HHIPL1: variants seen among roughly 807,000 people sequenced by gnomAD.
HHIPL1 encodes the protein HHIP like 1.
In HHIPL1, 43 loss-of-function variants were observed where a neutral mutation model predicts 61.8. The observed-to-expected ratio is 0.70, with a 90% CI of 0.55 to 0.90. HHIPL1 has a LOEUF of 0.90. Among genes scored for constraint, HHIPL1 ranks in the 40% least tolerant of loss-of-function variants. The probability of loss-of-function intolerance (pLI) is 0.00; values close to 1 mark genes in which losing one functional copy is unlikely to be tolerated. For synonymous variants in HHIPL1, 482 were observed against 515.8 expected, an observed-to-expected ratio of 0.93 and a Z score of 0.89; for missense variants, 1,056 against 1,157.7, an observed-to-expected ratio of 0.91 and a Z score of 1.28.
intron 1 of HHIPL1, among the ~76,000 whole-genome samples, chr14:99,646,335 G>T (rs545828500): frequency 6.6e-6 from 1 of 152,276 alleles, no homozygotes; most frequent in East Asian, 1.9e-4. Context: ...GGCCCCAGGG[G>T]CCAGGGCCGT....
Position 99,675,299 on chromosome 14 carries a change from CCTG to C in HHIPL1, c.2023_2025del (p.Leu675del). 7.6e-7 allele frequency: 1 copy of C among 1,314,172 alleles called. No homozygotes were observed. Among genetic ancestry groups the C allele is most frequent in the South Asian group, 2.1e-5 (1 of 47,128 alleles). The allele number at this position is 1,314,172 out of a possible 1,614,324, so 81.4% of individuals were successfully genotyped here. On this transcript the variant is annotated inframe_deletion, in exon 9 of 9. Transcript: ENST00000330710. The surrounding 1 kb of genome is among the most constrained non-coding windows in gnomAD (Gnocchi z 5.4). The stretch of plus-strand genomic sequence containing the variant: ...GGGCGTTCCGGGATGGCGAGGTGCG[CCTG>C]GTGCGGCCCGCGGGCCTGAGCTCTG...
At chr14:99,633,687 G>C in the HHIPL1 span, among the ~76,000 whole-genome samples, 1 of 152,240 alleles carries the variant, frequency 6.6e-6, no homozygotes, top group Non-Finnish European at 1.5e-5. Flanking sequence ...ATCAGGAGGA[G>C]GGACTCAGGA....
chr14:99,628,581 CAAAA>C, the HHIPL1 span, among the ~76,000 whole-genome samples: 1 of 53,600 alleles, frequency 1.9e-5, no homozygotes, highest in Non-Finnish European at 4.2e-5. Context: ...AACTCCAACT[CAAAA>C]AAAAAAAAAA....
intron 2 of HHIPL1, among the ~76,000 whole-genome samples, chr14:99,656,408 G>A (rs934854315): frequency 1.3e-5 from 2 of 152,148 alleles, no homozygotes; most frequent in African/African-American, 4.8e-5. Flanking sequence ...TCCTTGGCAC[G>A]ATAGAGTGCA....
At chr14:99,628,103 A>T in the HHIPL1 span, among the ~76,000 whole-genome samples, 1 of 152,164 alleles carries the variant, frequency 6.6e-6, no homozygotes, top group East Asian at 1.9e-4. Flanking sequence ...GGGAGGACCG[A>T]GGCCCAGAGA....
At chr14:99,635,406 C>G in the HHIPL1 span, among the ~76,000 whole-genome samples, 2 of 150,468 alleles carry the variant, frequency 1.3e-5, no homozygotes, top group Non-Finnish European at 3.0e-5. Flanking sequence ...ACTGAGAAGC[C>G]GGGGAATCAG....
At chr14:99,621,818 C>T in the HHIPL1 span, among the ~76,000 whole-genome samples, 3 of 134,916 alleles carry the variant, frequency 2.2e-5, no homozygotes, top group South Asian at 5.2e-4. Flanking sequence ...CAGGTTCAAG[C>T]GATTCTCCTG....
At chr14:99,646,161 TGCCACC>T (rs1162333536) in intron 1 of HHIPL1, among the ~76,000 whole-genome samples, 3 of 152,268 alleles carry the variant, frequency 2.0e-5, no homozygotes, top group African/African-American at 7.2e-5. Flanking sequence ...CACCTGGTGG[TGCCACC>T]GCTATTTGTT....
chr14:99,675,996 G>T lies in HHIPL1; in HGVS notation c.*370G>T. The stretch of plus-strand genomic sequence containing the variant: ...CCCTGGCTGTGCTAACAGAGGCACA[G>T]CTTGCAGACTGAGGGCGGTGGGGAG... On this transcript the variant is annotated 3_prime_UTR_variant, in exon 9 of 9. Transcript: ENST00000330710. This position sits in a 1 kb window ranked among gnomAD's most constrained non-coding sequence, Gnocchi z 5.4. 4.3e-6 allele frequency: 1 copy of T among 232,728 alleles called. No homozygotes were observed. Among genetic ancestry groups the T allele is most frequent in the Non-Finnish European group, 8.3e-6 (1 of 120,114 alleles). 14.4% of individuals were successfully genotyped at this position (232,728 alleles called of 1,614,324 possible).
At chr14:99,634,557 C>T in the HHIPL1 span, among the ~76,000 whole-genome samples, 1 of 152,232 alleles carries the variant, frequency 6.6e-6, no homozygotes, top group Non-Finnish European at 1.5e-5. Context: ...GCCCCAGCTC[C>T]TGGGAAGAGC....
At chr14:99,619,321 G>A in the HHIPL1 span, among the ~76,000 whole-genome samples, 2 of 151,842 alleles carry the variant, frequency 1.3e-5, no homozygotes, top group African/African-American at 4.8e-5. Context: ...AATTAGCCAG[G>A]TGTGGTGGCG....
At chr14:99,617,677 A>C in the HHIPL1 span, among the ~76,000 whole-genome samples, 1 of 152,194 alleles carries the variant, frequency 6.6e-6, no homozygotes, top group Non-Finnish European at 1.5e-5. Context: ...GCTGTGGTGC[A>C]TGAAACAAGT....
rs1267194200 is a variant in HHIPL1, at chr14:99,675,676, G to T, written c.*50G>T. ...TCCCGCCGGCGGGGGAGCCTGGCAG[G>T]GGCCGCTCCGCCCTGTGTGCGCCCA... On this transcript the variant is annotated 3_prime_UTR_variant, in exon 9 of 9. Coordinates refer to ENST00000330710, the MANE Select transcript of HHIPL1 (RefSeq NM_001127258.3). The surrounding 1 kb of genome is among the most constrained non-coding windows in gnomAD (Gnocchi z 5.4). 5 of 1,457,656 alleles carry T rather than the reference G, an allele frequency of 3.4e-6. No individual in the cohort carries two copies. The highest frequency in any genetic ancestry group is 4.5e-6 in the Non-Finnish European group (5 of 1,103,018). The allele number at this position is 1,457,656 out of a possible 1,614,324, so 90.3% of individuals were successfully genotyped here.
At chr14:99,605,878 C>A in the HHIPL1 span, among the ~76,000 whole-genome samples, 2 of 152,118 alleles carry the variant, frequency 1.3e-5, no homozygotes, top group Non-Finnish European at 2.9e-5. Flanking sequence ...CCAAGAAGGC[C>A]AGTGGGGCTG....
the HHIPL1 span, among the ~76,000 whole-genome samples, chr14:99,605,068 G>A: frequency 2.6e-5 from 4 of 152,170 alleles, no homozygotes; most frequent in African/African-American, 4.8e-5. Context: ...CCGATGGGGC[G>A]AGAGCTCCGG....
At chr14:99,657,407 C>T (rs764931550) in intron 3 of HHIPL1, among the ~76,000 whole-genome samples, 3 of 152,190 alleles carry the variant, frequency 2.0e-5, no homozygotes, top group Non-Finnish European at 2.9e-5. Context: ...GCACAGGACC[C>T]TCTGGGCACA....
the HHIPL1 span, among the ~76,000 whole-genome samples, chr14:99,629,820 T>G: frequency 6.6e-6 from 1 of 152,220 alleles, no homozygotes; most frequent in Non-Finnish European, 1.5e-5. Flanking sequence ...ATTTTTGAAC[T>G]ATATAGAAGT....
At chr14:99,623,450 G>A in the HHIPL1 span, among the ~76,000 whole-genome samples, 1 of 152,078 alleles carries the variant, frequency 6.6e-6, no homozygotes, top group Non-Finnish European at 1.5e-5. Context: ...GTCTTGCTCT[G>A]TCCCCCAGGC....
chr14:99,649,553 G>T (rs1234016282), intron 1 of HHIPL1, among the ~76,000 whole-genome samples: 1 of 152,154 alleles, frequency 6.6e-6, no homozygotes, highest in Non-Finnish European at 1.5e-5. Context: ...AACTTTGGCG[G>T]GCCAAGGCGG....
Sources: allele counts gnomAD v4.1 joint callset (sites outside exome capture counted in the v4.1 genomes callset), GRCh38; gene constraint gnomAD v4.1.1; non-coding constraint Gnocchi (gnomAD v3.1); transcripts MANE v1.5; gene names NCBI Gene and HGNC (gene_info 2026-07-23, HGNC 2026-07-21).